Variants in NELL2 observed in about 807,000 individuals in gnomAD.
The protein encoded by NELL2 is neural EGFL like 2.
NELL2 carries 41 observed loss-of-function variants against 109.6 expected under a neutral mutation model. That is an observed-to-expected ratio of 0.37 (90% CI 0.29 to 0.49). NELL2 has a LOEUF of 0.49. Ranked by LOEUF, NELL2 falls within the 20% of genes least tolerant of loss-of-function variation. The pLI, the probability that NELL2 is intolerant of heterozygous loss-of-function variation, is 0.98. For missense variants in NELL2, 900 were observed against 1,008.3 expected (o/e 0.89, Z 1.45); for synonymous variants, 355 against 344.7 (o/e 1.03, Z -0.33).
intron 9 of NELL2, among the ~76,000 whole-genome samples, chr12:44,746,705 T>C (rs1441236443): frequency 6.6e-6 from 1 of 152,122 alleles, no homozygotes; most frequent in Non-Finnish European, 1.5e-5. Context: ...AAAATGCTCA[T>C]CATCACTGGC....
intron 1 of NELL2, among the ~76,000 whole-genome samples, chr12:44,921,087 A>G (rs931953844): frequency 6.6e-6 from 1 of 152,182 alleles, no homozygotes; most frequent in African/African-American, 2.4e-5. Flanking sequence ...GGAAGAAAGG[A>G]AAAGAGCACC....
chr12:44,695,461 G>A (rs756699370), intron 12 of NELL2, among the ~76,000 whole-genome samples: 1 of 152,154 alleles, frequency 6.6e-6, no homozygotes, highest in Admixed American at 6.5e-5. Context: ...ACTTAAGAAG[G>A]CTGAGTGGGA....
chr12:44,644,095 A>G (rs1946961491), intron 13 of NELL2, among the ~76,000 whole-genome samples: 1 of 152,164 alleles, frequency 6.6e-6, no homozygotes, highest in Non-Finnish European at 1.5e-5. Flanking sequence ...AGATTCAGCT[A>G]TTGATAGACT....
intron 2 of NELL2, among the ~76,000 whole-genome samples, chr12:44,832,039 A>G (rs1252688802): frequency 2.6e-5 from 4 of 152,336 alleles, no homozygotes; most frequent in East Asian, 3.9e-4. Flanking sequence ...TTTTTTCTGT[A>G]TAAAAACAGA....
chr12:44,866,510 T>C (rs1945004652), intron 2 of NELL2, among the ~76,000 whole-genome samples: 1 of 151,890 alleles, frequency 6.6e-6, no homozygotes, highest in African/African-American at 2.4e-5. Context: ...TAGCAACAAA[T>C]GCCTACATTT....
At chr12:44,734,925 A>C (rs753870439) in intron 9 of NELL2, among the ~76,000 whole-genome samples, 10 of 152,034 alleles carry the variant, frequency 6.6e-5, no homozygotes, top group Non-Finnish European at 1.5e-4. Flanking sequence ...CTTATTAAGC[A>C]TAGATTTCAA....
At chr12:44,796,469 A>G (rs900059394) in intron 3 of NELL2, among the ~76,000 whole-genome samples, 2 of 152,108 alleles carry the variant, frequency 1.3e-5, no homozygotes, top group African/African-American at 4.8e-5. Flanking sequence ...TTCTTACATT[A>G]AGCCCTAAAG....
At chr12:44,746,614 C>G (rs989532012) in intron 9 of NELL2, among the ~76,000 whole-genome samples, 1 of 152,060 alleles carries the variant, frequency 6.6e-6, no homozygotes, top group Non-Finnish European at 1.5e-5. Context: ...AAAAAACAAA[C>G]AACCCCATCA....
At chr12:44,665,726 C>T in intron 12 of NELL2, 117 bp from the exon 13 acceptor site, 3 of 1,158,012 alleles carry the variant, frequency 2.6e-6, no homozygotes, top group Non-Finnish European at 3.5e-6. Flanking sequence ...TTCAGAAAAG[C>T]ATTCATGATA....
At chr12:44,618,070 T>C (rs1945907108) in intron 13 of NELL2, among the ~76,000 whole-genome samples, 1 of 152,204 alleles carries the variant, frequency 6.6e-6, no homozygotes, top group Non-Finnish European at 1.5e-5. Context: ...TTACTCACTT[T>C]ATATTATAGA....
In NELL2 at chr12:44,508,957, G is replaced by C. The variant is rs1172119278; in HGVS notation, c.2428C>G (p.Pro810Ala). 2 of 1,612,672 alleles carry C rather than the reference G, an allele frequency of 1.2e-6. No homozygotes were observed. Among genetic ancestry groups the C allele is most frequent in the Admixed American group, 3.3e-5 (2 of 59,926 alleles). The change falls in exon 20 of 20, where the codon CCA becomes GCA. Residue 810 changes from proline (P) to alanine (A), a missense_variant. By Grantham distance (27) the Pro-to-Ala change is conservative. This residue lies in a region of NELL2 where 333 missense variants were observed against 432.3 expected (regional missense o/e 0.77). Transcript: ENST00000429094. ...KNGHICCSVD[P>A]QCLQEL The stretch of plus-strand genomic sequence containing the variant: ...CTTCACAGTTCCTGAAGGCACTGTG[G>C]ATCCACTGAGCAACAGATGTGGCCA...
chr12:44,805,714 C>A (rs1196156615), intron 3 of NELL2, among the ~76,000 whole-genome samples: 1 of 151,774 alleles, frequency 6.6e-6, no homozygotes, highest in Non-Finnish European at 1.5e-5. Context: ...TCCAGACCCA[C>A]AATTAAAAGA....
At chr12:44,694,809 T>C (rs1479408820) in intron 12 of NELL2, among the ~76,000 whole-genome samples, 1 of 151,986 alleles carries the variant, frequency 6.6e-6, no homozygotes, top group African/African-American at 2.4e-5. Flanking sequence ...AATCAGAGAA[T>C]TGAGTGCATT....
intron 15 of NELL2, among the ~76,000 whole-genome samples, chr12:44,549,747 A>T (rs1466721519): frequency 6.6e-6 from 1 of 152,202 alleles, no homozygotes; most frequent in Non-Finnish European, 1.5e-5. Context: ...ATTAAAGTAG[A>T]TATAAATAAA....
chr12:44,624,314 T>C (rs1946159212), intron 13 of NELL2, among the ~76,000 whole-genome samples: 1 of 152,132 alleles, frequency 6.6e-6, no homozygotes, highest in Non-Finnish European at 1.5e-5. Flanking sequence ...CAATTTCTTA[T>C]ATTCTTCCAC....
At chr12:44,515,790 T>A (rs1810583273) in intron 19 of NELL2, among the ~76,000 whole-genome samples, 1 of 151,962 alleles carries the variant, frequency 6.6e-6, no homozygotes, top group Admixed American at 6.6e-5. Context: ...CTATATTTAT[T>A]GTTAAAGAAG....
At chr12:44,746,812 A>G (rs1215436331) in intron 9 of NELL2, among the ~76,000 whole-genome samples, 2 of 152,210 alleles carry the variant, frequency 1.3e-5, no homozygotes, top group Non-Finnish European at 2.9e-5. Flanking sequence ...GGTGCTGGAG[A>G]GGATGTGGAG....
At chr12:44,649,206 T>G (rs574319519) in intron 13 of NELL2, among the ~76,000 whole-genome samples, 5 of 151,832 alleles carry the variant, frequency 3.3e-5, no homozygotes, top group East Asian at 1.9e-4. Flanking sequence ...CTCTTCCTCC[T>G]TCCCTCCCTC....
At chr12:44,682,082 G>C (rs1284295018) in intron 12 of NELL2, among the ~76,000 whole-genome samples, 19 of 150,438 alleles carry the variant, frequency 1.3e-4, no homozygotes, top group Admixed American at 1.2e-3. Flanking sequence ...AGCACCTGTT[G>C]TTTCTTGACT....
Sources: allele counts gnomAD v4.1 joint callset (sites outside exome capture counted in the v4.1 genomes callset), GRCh38; gene constraint gnomAD v4.1.1; regional missense constraint gnomAD v4.1.1; transcripts MANE v1.5; gene names NCBI Gene and HGNC (gene_info 2026-07-23, HGNC 2026-07-21).